PCBP3: variants seen among roughly 807,000 people sequenced by gnomAD.
The protein encoded by PCBP3 is poly(rC) binding protein 3.
A neutral mutation model predicts 52.7 loss-of-function variants in PCBP3; 25 were observed. The ratio of observed to expected loss-of-function variants is 0.47; its 90% confidence interval spans 0.35 to 0.66. PCBP3 has a LOEUF of 0.66. PCBP3 is among the 30% of genes least tolerant of loss of function. The pLI, the probability that PCBP3 is intolerant of heterozygous loss-of-function variation, is 0.01. For missense variants in PCBP3, 391 were observed against 490.3 expected (o/e 0.80, Z 1.91); for synonymous variants, 162 against 183.0 (o/e 0.89, Z 0.93).
chr21:45,776,625 C>T (rs1452924310), intron 4 of PCBP3, among the ~76,000 whole-genome samples: 1 of 151,988 alleles, frequency 6.6e-6, no homozygotes, highest in East Asian at 1.9e-4. Flanking sequence ...TATTTAATGA[C>T]TTTGTCTTTT....
intron 5 of PCBP3, among the ~76,000 whole-genome samples, chr21:45,855,844 G>A (rs143834113): frequency 1.4e-4 from 22 of 152,372 alleles, no homozygotes; most frequent in Middle Eastern, 6.8e-3. Flanking sequence ...GCTCGGCTTG[G>A]AGAGAGGACT....
chr21:45,898,674 T>C (rs1603478393), intron 6 of PCBP3, among the ~76,000 whole-genome samples: 3 of 49,540 alleles, frequency 6.1e-5, no homozygotes, highest in Non-Finnish European at 1.1e-4. Flanking sequence ...ACAGCCTCCC[T>C]CTCCCTCCAC....
At chr21:45,645,547 G>A (rs2838972) in intron 1 of PCBP3, among the ~76,000 whole-genome samples, 47,402 of 151,992 alleles carry the variant, frequency 0.31, 8,745 homozygotes, top group East Asian at 0.65. Context: ...TTGTGGTTAC[G>A]TTTTTAGCTA....
intron 2 of PCBP3, among the ~76,000 whole-genome samples, chr21:45,705,715 A>G (rs182251749): frequency 2.2e-4 from 34 of 152,300 alleles, no homozygotes; most frequent in African/African-American, 7.5e-4. Context: ...CATGAGGGTC[A>G]CATATGGTCT....
chr21:45,669,871 A>G (rs1040535607), intron 2 of PCBP3, among the ~76,000 whole-genome samples: 7 of 126,674 alleles, frequency 5.5e-5, no homozygotes, highest in African/African-American at 2.0e-4. Flanking sequence ...TCATTCTTTG[A>G]TGGACACTTG....
At chr21:45,739,039 C>T (rs2086137345) in intron 3 of PCBP3, among the ~76,000 whole-genome samples, 1 of 125,568 alleles carries the variant, frequency 8.0e-6, no homozygotes, top group African/African-American at 3.1e-5. Context: ...TTCATCAGCC[C>T]ACCCCTTCCT....
intron 5 of PCBP3, among the ~76,000 whole-genome samples, chr21:45,895,843 G>A (rs1469262314): frequency 1.3e-5 from 2 of 152,260 alleles, no homozygotes; most frequent in African/African-American, 4.8e-5. Flanking sequence ...AAGCCCCAGG[G>A]CGCTGGGCCT....
At chr21:45,783,783 A>G (rs1271428757) in intron 4 of PCBP3, among the ~76,000 whole-genome samples, 1 of 152,136 alleles carries the variant, frequency 6.6e-6, no homozygotes. Context: ...AAGAACCAAA[A>G]CCAGCTGGAT....
intron 12 of PCBP3, 23 bp downstream of exon 12, chr21:45,914,048 C>G (rs576221289): frequency 3.7e-6 from 6 of 1,613,138 alleles, no homozygotes; most frequent in Non-Finnish European, 5.1e-6. Flanking sequence ...CCGCTCGCGG[C>G]CTCCACTGCC....
intron 5 of PCBP3, among the ~76,000 whole-genome samples, chr21:45,894,231 G>C (rs1031081381): frequency 2.0e-5 from 3 of 152,212 alleles, no homozygotes; most frequent in Non-Finnish European, 4.4e-5. Flanking sequence ...GCTGGCCTGT[G>C]TGACTGATAG....
intron 4 of PCBP3, among the ~76,000 whole-genome samples, chr21:45,825,646 A>G (rs1374786748): frequency 6.6e-6 from 1 of 152,164 alleles, no homozygotes; most frequent in Non-Finnish European, 1.5e-5. Context: ...TTCAGGGCTC[A>G]TATAGATCAT....
chr21:45,742,548 C>T (rs1028024126), intron 3 of PCBP3, among the ~76,000 whole-genome samples: 1 of 152,142 alleles, frequency 6.6e-6, no homozygotes, highest in Non-Finnish European at 1.5e-5. Context: ...TTGGGTAGCT[C>T]GCTCAGTATT....
chr21:45,935,602 G>A (rs2076810048), intron 16 of PCBP3: 2 of 509,892 alleles, frequency 3.9e-6, no homozygotes, highest in Admixed American at 4.7e-5. Context: ...TTGCTGTGGA[G>A]GCACTGCCCT....
intron 5 of PCBP3, chr21:45,869,374 G>T (rs2094903308): frequency 6.6e-6 from 1 of 152,200 alleles, no homozygotes; most frequent in Non-Finnish European, 1.5e-5. Context: ...CCCCACCCTG[G>T]ACCCCACCCA....
Position 45,853,389 on chromosome 21 carries a change from G to GA in PCBP3, c.10+3300dup, listed in dbSNP as rs944154063. Among the ~76,000 whole-genome samples, 34 of 152,256 alleles carry GA rather than the reference G, an allele frequency of 2.2e-4. No homozygotes were observed. The highest frequency in any genetic ancestry group is 6.7e-4 in the African/African-American group (28 of 41,532). ...AGGGTGTCCAGGTTCTTGGCGTTTT[G>GA]AAAAAATAATTGGACAAAACACACA... On this transcript the variant is annotated intron_variant, in intron 5 of 17. Coordinates refer to ENST00000681687, the MANE Select transcript of PCBP3 (RefSeq NM_001384156.1). The surrounding 1 kb of genome is among the most constrained non-coding windows in gnomAD (Gnocchi z 4.6).
intron 4 of PCBP3, chr21:45,762,590 T>G (rs899366061): frequency 6.6e-6 from 1 of 150,460 alleles, no homozygotes; most frequent in Non-Finnish European, 1.5e-5. Flanking sequence ...CCTCCTGGGT[T>G]TGGGCGATTC....
intron 10 of PCBP3, 128 bp downstream of exon 10, chr21:45,909,614 C>A: frequency 1.2e-6 from 1 of 841,836 alleles, no homozygotes; most frequent in Non-Finnish European, 1.8e-6. Flanking sequence ...GCCACGCAGA[C>A]CCCACAGCTC....
chr21:45,914,132 C>T (rs755918986), intron 12 of PCBP3, 107 bp downstream of exon 12: 83 of 1,567,764 alleles, frequency 5.3e-5, no homozygotes, highest in African/African-American at 8.2e-5. Context: ...CTCACGTGCA[C>T]GTCTCCCACC....
In PCBP3 at chr21:45,713,777, A is replaced by G. The variant is rs776786329; in HGVS notation, c.-199-21615A>G. Among the ~76,000 whole-genome samples, 51 of 152,368 alleles carry G rather than the reference A, an allele frequency of 3.3e-4. No homozygotes were observed. In the Middle Eastern group the frequency reaches 0.01, roughly 31 times the overall value. ...AGAATGACGCTGCAGATGTGCAGCC[A>G]TGTGAGTCTGCTTCATTGTCTCCTC... On this transcript the variant is annotated intron_variant, in intron 2 of 17. Coordinates refer to ENST00000681687, the MANE Select transcript of PCBP3 (RefSeq NM_001384156.1).
Sources: gnomAD v4.1 joint callset for allele counts (sites outside exome capture counted in the v4.1 genomes callset) on GRCh38, gnomAD v4.1.1 for gene constraint, Gnocchi (gnomAD v3.1) non-coding constraint, MANE v1.5 for transcripts, NCBI Gene and HGNC (gene_info 2026-07-23, HGNC 2026-07-21) for gene names.